Variants in SYNE2 observed in about 807,000 individuals in gnomAD.
The protein encoded by SYNE2 is nesprin-2.
A neutral mutation model predicts 856.3 loss-of-function variants in SYNE2; 431 were observed. The observed-to-expected ratio is 0.50, with a 90% CI of 0.47 to 0.55. The LOEUF (loss-of-function observed/expected upper bound fraction) is 0.55. Ranked by LOEUF, SYNE2 falls within the 20% of genes least tolerant of loss-of-function variation. The pLI, the probability that SYNE2 is intolerant of heterozygous loss-of-function variation, is 0.00. For missense variants in SYNE2, 8,129 were observed against 8,023.2 expected, an observed-to-expected ratio of 1.01 and a Z score of -0.50; for synonymous variants, 2,923 against 2,872.3, an observed-to-expected ratio of 1.02 and a Z score of -0.56.
chr14:64,122,683 A>G (rs1346653414), intron 70 of SYNE2, among the ~76,000 whole-genome samples: 2 of 152,134 alleles, frequency 1.3e-5, no homozygotes, highest in Non-Finnish European at 2.9e-5. Flanking sequence ...TGTATTCCCC[A>G]TTAGATGGGG....
chr14:64,166,932 C>T (rs1323435673), intron 90 of SYNE2: 6 of 380,182 alleles, frequency 1.6e-5, no homozygotes, highest in Non-Finnish European at 2.5e-5. Context: ...GACTCCATTC[C>T]GAAAAATAAA....
intron 89 of SYNE2, 105 bp from the exon 90 acceptor site, chr14:64,165,180 C>A: frequency 7.9e-7 from 1 of 1,270,616 alleles, no homozygotes; most frequent in Non-Finnish European, 1.1e-6. Context: ...AGCCACCGTG[C>A]CTAGCCAAAA....
rs542223560 is a variant in SYNE2 at position 64,122,936 on chromosome 14, C to T, written c.13422+509C>T. On this transcript the variant is annotated intron_variant, in intron 70 of 115. Transcript: ENST00000555002. Reference sequence around the variant, plus strand: ...TCAACATGGAGAAACCCTGTCTCTACTAAAAATACAAAATTAGCTGGCCGT... The same window carrying T: ...TCAACATGGAGAAACCCTGTCTCTATTAAAAATACAAAATTAGCTGGCCGT... 3.9e-5 allele frequency among the ~76,000 whole-genome samples: 6 copies of T among 152,082 alleles called. No individual in the cohort carries two copies. The South Asian group carries it at 1.3e-3, about 32-fold the overall frequency.
At chr14:63,944,281 TA>T (rs1298783563) in intron 6 of SYNE2, among the ~76,000 whole-genome samples, 84 of 418 alleles carry the variant, frequency 0.2, no homozygotes, top group Non-Finnish European at 0.43. Context: ...TGAATTTTTA[TA>T]TATATATATA....
At position 64,220,626 on chromosome 14, in the gene SYNE2, A is replaced by C; in HGVS notation, c.20050A>C (p.Met6684Leu). ...GAGAGGGGGCTTACGACAGTCGCTC[A>C]TGCAGTGCCAGGTACGCTGACTCAG... ...SWRGGLRQSL[M>L]QCQDFHQLSQ... The change falls in exon 111 of 116, where the codon ATG becomes CTG. Residue 6684 changes from methionine to leucine, a missense_variant. Met to Leu is a conservative substitution (Grantham distance 15). Transcript: ENST00000555002. 6.2e-7 allele frequency: 1 copy of C among 1,613,934 alleles called. No individual in the cohort carries two copies. The highest frequency in any genetic ancestry group is 8.5e-7 in the Non-Finnish European group (1 of 1,180,022).
intron 49 of SYNE2, among the ~76,000 whole-genome samples, chr14:64,059,573 G>C (rs896660506): frequency 1.3e-5 from 2 of 152,236 alleles, no homozygotes; most frequent in Non-Finnish European, 2.9e-5. Flanking sequence ...GGTGACACAA[G>C]CACCCTTGTG....
chr14:63,762,314 A>G (rs1365571186), intron 1 of SYNE2, among the ~76,000 whole-genome samples: 1 of 151,986 alleles, frequency 6.6e-6, no homozygotes, highest in Non-Finnish European at 1.5e-5. Context: ...ACATGCCTGT[A>G]ATCCCAGTTA....
intron 1 of SYNE2, among the ~76,000 whole-genome samples, chr14:63,866,151 T>C (rs1177786649): frequency 6.6e-6 from 1 of 152,174 alleles, no homozygotes; most frequent in Non-Finnish European, 1.5e-5. Context: ...AGTTGTTTCC[T>C]CTCCGCTGGT....
Position 64,167,373 on chromosome 14 carries a change from A to C in SYNE2, c.16746A>C (p.Ala5582=), listed in dbSNP as rs1056022982. 1.2e-6 allele frequency: 2 copies of C among 1,614,236 alleles called. No homozygotes were observed. Residue 5582 remains alanine, a synonymous_variant, in exon 91 of 116, where the codon GCA becomes GCC. Transcript: ENST00000555002. ...NRQWIRATAT[A]LERCSELQGI... ...AATGGATTCGGGCCACGGCCACGGCACTGGAGCGCTGCAGGTTAGAACATC... is the reference window on the plus strand; with the variant it reads ...AATGGATTCGGGCCACGGCCACGGCCCTGGAGCGCTGCAGGTTAGAACATC...
chr14:64,044,590 A>G (rs866510349), intron 45 of SYNE2, among the ~76,000 whole-genome samples: 55 of 152,156 alleles, frequency 3.6e-4, no homozygotes, highest in African/African-American at 1.3e-3. Context: ...CCCCACCCAA[A>G]TCTCATCTTG....
Position 64,167,160 on chromosome 14 carries a change from G to T in SYNE2, c.16606-73G>T. 2.5e-6 allele frequency: 4 copies of T among 1,597,932 alleles called. No homozygotes were observed. In the Admixed American group the frequency reaches 6.7e-5, roughly 27 times the overall value. On this transcript the variant is annotated intron_variant, in intron 90 of 115. Transcript: ENST00000555002. ...GCCCCAGTTTTCCTTTATCTTTGAG[G>T]TAAGGAGGGTTTTTTGTCATCTAGA...
intron 1 of SYNE2, among the ~76,000 whole-genome samples, chr14:63,825,930 T>C (rs1358118569): frequency 6.6e-6 from 1 of 152,146 alleles, no homozygotes; most frequent in Non-Finnish European, 1.5e-5. Context: ...CCCATACTCA[T>C]GGACTGGAAT....
At chr14:63,873,414 T>C (rs1327004951) in intron 1 of SYNE2, 1 of 152,196 alleles carries the variant, frequency 6.6e-6, no homozygotes, top group Non-Finnish European at 1.5e-5. Context: ...TGTTTTTTTT[T>C]AGATGGAGTC....
chr14:64,119,526 G>C lies in SYNE2; in HGVS notation c.12940G>C (p.Ala4314Pro). Reference sequence around the variant, plus strand: ...TGGAGCCACTCAACATGAGGCTGAAGCGCTTTCCCTGAAACTGAAAACAGT... The same window carrying C: ...TGGAGCCACTCAACATGAGGCTGAACCGCTTTCCCTGAAACTGAAAACAGT... ...DNGATQHEAE[A>P]LSLKLKTVKC... The change falls in exon 67 of 116, where the codon GCG becomes CCG. Residue 4314 changes from alanine (A) to proline (P), a missense_variant. This residue lies in a region of SYNE2 where 5,410 missense variants were observed against 5,284.8 expected (regional missense o/e 1.02). Transcript: ENST00000555002. 6.2e-7 allele frequency: 1 copy of C among 1,614,212 alleles called. No homozygotes were observed. The highest frequency in any genetic ancestry group is 2.2e-5 in the East Asian group (1 of 44,882).
At chr14:64,119,709 A>C in intron 67 of SYNE2, 100 bp downstream of exon 67, 2 of 1,224,086 alleles carry the variant, frequency 1.6e-6, no homozygotes. Flanking sequence ...GCTACAGAGA[A>C]ACTGTACTAA....
chr14:64,183,099 G>C (rs955311384), intron 96 of SYNE2, among the ~76,000 whole-genome samples: 8 of 148,152 alleles, frequency 5.4e-5, no homozygotes, highest in African/African-American at 2.1e-4. Context: ...GCCGGGCGGA[G>C]GGGCTCCTCA....
intron 61 of SYNE2, among the ~76,000 whole-genome samples, chr14:64,095,928 G>A (rs1156772055): frequency 6.6e-6 from 1 of 152,094 alleles, no homozygotes; most frequent in Non-Finnish European, 1.5e-5. Context: ...GGGATTAGGT[G>A]CCCTCAGAAA....
intron 1 of SYNE2, among the ~76,000 whole-genome samples, chr14:63,794,010 C>G (rs1280629846): frequency 6.6e-6 from 1 of 151,678 alleles, no homozygotes; most frequent in Admixed American, 6.6e-5. Flanking sequence ...GCCTGAAATA[C>G]CATGGTACCA....
chr14:64,148,004 C>T (rs1197761900), intron 84 of SYNE2, among the ~76,000 whole-genome samples: 3 of 152,092 alleles, frequency 2.0e-5, no homozygotes, highest in African/African-American at 7.2e-5. Context: ...TTCTAATACT[C>T]ATTATGTTAT....
Sources: gnomAD v4.1 joint callset for allele counts (sites outside exome capture counted in the v4.1 genomes callset) on GRCh38, gnomAD v4.1.1 for gene constraint, gnomAD v4.1.1 regional missense constraint, MANE v1.5 for transcripts, NCBI Gene and HGNC (gene_info 2026-07-23, HGNC 2026-07-21) for gene names.